NFE2: variants seen among roughly 807,000 people sequenced by gnomAD.
NFE2 encodes the protein transcription factor NF-E2 45 kDa subunit.
A neutral mutation model predicts 25.8 loss-of-function variants in NFE2; 13 were observed. That is an observed-to-expected ratio of 0.50 (90% CI 0.33 to 0.80). The LOEUF is 0.80. Among genes scored for constraint, NFE2 ranks in the 30% least tolerant of loss-of-function variants. NFE2 has a pLI of 0.02. For synonymous variants in NFE2, 204 were observed against 200.2 expected, an observed-to-expected ratio of 1.02 and a Z score of -0.16; for missense variants, 382 against 478.9, an observed-to-expected ratio of 0.80 and a Z score of 1.89.
At position 54,299,774 on chromosome 12, in the gene NFE2, A is replaced by T. The variant is rs73304540; in HGVS notation, c.-57+1027T>A. Among the ~76,000 whole-genome samples, 1,425 of 152,158 alleles carry T rather than the reference A, an allele frequency of 9.4e-3. 22 individuals are homozygous for T. Among genetic ancestry groups the T allele is most frequent in the African/African-American group, 0.033 (1,364 of 41,502 alleles). On this transcript the variant is annotated intron_variant, in intron 1 of 2. Coordinates refer to ENST00000435572, the MANE Select transcript of NFE2 (RefSeq NM_001136023.3). ...ACGATGAGAGGGGGCTTGCCTCAGG[A>T]TCCCTTTTCTGAGGCTTATTTGACC...
Position 54,292,932 on chromosome 12 carries a change from G to A in NFE2, c.564C>T (p.Ser188=), listed in dbSNP as rs200335641. 64 of 1,599,346 alleles carry A rather than the reference G, an allele frequency of 4.0e-5. No homozygotes were observed. Among genetic ancestry groups the A allele is most frequent in the Non-Finnish European group, 1.3e-5 (15 of 1,171,848 alleles). Residue 188 remains serine, a synonymous_variant, in exon 3 of 3, where the codon TCC becomes TCT. Transcript: ENST00000435572. ...GCAAGGTATAGTTGGAGTGGGCCAA[G>A]GAGTTGGGCATGAGTGAGTAGGGGT... The part of the protein sequence containing the change: ...VEYPYSLMPN[S]LAHSNYTLPA...
chr12:54,295,617 G>T (rs1033082801), intron 1 of NFE2: 3 of 196,256 alleles, frequency 1.5e-5, no homozygotes, highest in East Asian at 1.5e-4. Flanking sequence ...CTGGCTAAAG[G>T]CAGAGTCAGA....
intron 2 of NFE2, among the ~76,000 whole-genome samples, chr12:54,294,408 T>C (rs1944349594): frequency 6.6e-6 from 1 of 151,908 alleles, no homozygotes; most frequent in Non-Finnish European, 1.5e-5. Context: ...GGAGCCGCTG[T>C]GTGGGAAGAG....
intron 1 of NFE2, among the ~76,000 whole-genome samples, chr12:54,297,399 C>T (rs1401072973): frequency 6.8e-6 from 1 of 146,516 alleles, no homozygotes; most frequent in African/African-American, 2.5e-5. Flanking sequence ...TGCAGTGGCT[C>T]ACACCTGTAA....
At position 54,292,694 on chromosome 12, in the gene NFE2, G is replaced by T; in HGVS notation, c.802C>A (p.Arg268=). 6.2e-7 allele frequency: 1 copy of T among 1,614,164 alleles called. No individual in the cohort carries two copies. The highest frequency in any genetic ancestry group is 8.5e-7 in the Non-Finnish European group (1 of 1,180,040). Residue 268 remains arginine, a synonymous_variant, in exon 3 of 3, where the codon CGG becomes AGG. Coordinates refer to ENST00000435572, the MANE Select transcript of NFE2 (RefSeq NM_001136023.3). ...PLTESQLALV[R]DIRRRGKNKV... is the part of the protein sequence containing the mutation. ...TTTTTGCCCCGTCGTCGGATGTCCC[G>T]GACTAGCGCTAGCTGGCTCTCTGTC...
intron 1 of NFE2, among the ~76,000 whole-genome samples, chr12:54,299,192 T>G (rs559197935): frequency 6.6e-6 from 1 of 152,260 alleles, no homozygotes; most frequent in African/African-American, 2.4e-5. Flanking sequence ...CAGGATGCTT[T>G]TCCCTAGACG....
rs1592178322 is a variant in NFE2, at chr12:54,292,120, C to T, written c.*254G>A. On this transcript the variant is annotated 3_prime_UTR_variant, in exon 3 of 3. Transcript: ENST00000435572. The stretch of plus-strand genomic sequence containing the variant: ...ACACAGTGAAAAGCCATTTCTGTAG[C>T]GCACTTTATAGACCAAAGCTTAGAC... The T allele has an allele frequency of 4.0e-6, 2 of 495,628 alleles. No individual in the cohort carries two copies. Among genetic ancestry groups the T allele is most frequent in the Non-Finnish European group, 3.6e-6 (1 of 277,578 alleles). 30.7% of individuals were successfully genotyped at this position (495,628 alleles called of 1,614,324 possible).
intron 1 of NFE2, among the ~76,000 whole-genome samples, chr12:54,300,454 G>A (rs1363769587): frequency 6.6e-6 from 1 of 152,122 alleles, no homozygotes; most frequent in African/African-American, 2.4e-5. Context: ...TGGAGTTGGG[G>A]AAAGGGTAGT....
Position 54,295,146 on chromosome 12 carries a change from T to C in NFE2, c.103A>G (p.Thr35Ala), listed in dbSNP as rs1357471250. Reference protein sequence around the residue: ...ELTWQEIMSITELQGLNAPSE... With the variant: ...ELTWQEIMSIAELQGLNAPSE... ...CCCCCCTTACTCACCTGCAGCTCGG[T>C]GATGGACATGATCTCCTGCCAAGTC... The change falls in exon 2 of 3, where the codon ACC becomes GCC. Residue 35 changes from threonine (T) to alanine (A), a missense_variant. By Grantham distance (58) the Thr-to-Ala change is moderately conservative (BLOSUM62 0). Coordinates refer to ENST00000435572, the MANE Select transcript of NFE2 (RefSeq NM_001136023.3). The C allele has an allele frequency of 5.0e-6, 8 of 1,613,860 alleles. No homozygotes were observed. Among genetic ancestry groups the C allele is most frequent in the Non-Finnish European group, 6.8e-6 (8 of 1,179,918 alleles).
chr12:54,294,857 G>C (rs960227412), intron 2 of NFE2, among the ~76,000 whole-genome samples: 2 of 152,130 alleles, frequency 1.3e-5, no homozygotes, highest in Non-Finnish European at 2.9e-5. Context: ...ACGGGAGGGA[G>C]AGCAGGAGGT....
chr12:54,298,040 A>G (rs1019371686), intron 1 of NFE2, among the ~76,000 whole-genome samples: 4 of 152,190 alleles, frequency 2.6e-5, no homozygotes, highest in Non-Finnish European at 5.9e-5. Flanking sequence ...GCCCAAAGGC[A>G]AAGTGAATGG....
chr12:54,298,067 G>T (rs964862344), intron 1 of NFE2, among the ~76,000 whole-genome samples: 2 of 152,124 alleles, frequency 1.3e-5, no homozygotes, highest in African/African-American at 4.8e-5. Context: ...GGTTTAGGAG[G>T]CAGAGACAAT....
chr12:54,295,096 C>T (rs777343515), intron 2 of NFE2, 39 bp downstream of exon 2: 35 of 1,562,704 alleles, frequency 2.2e-5, no homozygotes, highest in Admixed American at 3.4e-5. Context: ...CTCTCTTCTC[C>T]GACACACGGC....
At chr12:54,293,535 T>G (rs1408144966) in intron 2 of NFE2, among the ~76,000 whole-genome samples, 154 bp from the exon 3 acceptor site, 1 of 152,224 alleles carries the variant, frequency 6.6e-6, no homozygotes, top group Non-Finnish European at 1.5e-5. Context: ...TGCAAAGTTA[T>G]GATACAGTTG....
Position 54,293,056 on chromosome 12 carries a change from C to T in NFE2, c.440G>A (p.Gly147Glu), listed in dbSNP as rs1944333911. ...AGCATCGCTATAGTTGAGGGATAAT[C>T]CTGAGTCGGATTCTGGGTCTTCTTG... The part of the protein sequence containing the change: ...KPQEDPESDS[G>E]LSLNYSDAES... The change falls in exon 3 of 3, where the codon GGA becomes GAA. Residue 147 changes from glycine to glutamate, a missense_variant. Physicochemically the swap from Gly to Glu is moderately conservative, Grantham distance 98. Transcript: ENST00000435572. 6.6e-7 allele frequency: 1 copy of T among 1,523,960 alleles called. No individual in the cohort carries two copies. The allele number at this position is 1,523,960 out of a possible 1,614,324, so 94.4% of individuals were successfully genotyped here. A position where few individuals can be genotyped will look rare whatever the true frequency, so the allele number is the denominator to read the frequency against.
chr12:54,295,191 C>G lies in NFE2; in HGVS notation c.58G>C (p.Glu20Gln). Residue 20 changes from glutamate (E) to glutamine (Q), a missense_variant, in exon 2 of 3, where the codon GAG (glutamate) becomes CAG (glutamine). Transcript: ENST00000435572. ...RNRVIQLSTS[E>Q]LGEMELTWQE... ...CAAGTCAGTTCCATCTCTCCTAGCT[C>G]TGAAGTGGACAGCTGTATCACCCTG... 1 of 1,614,194 alleles carries G rather than the reference C, an allele frequency of 6.2e-7. No homozygotes were observed. Among genetic ancestry groups the G allele is most frequent in the Non-Finnish European group, 8.5e-7 (1 of 1,180,026 alleles).
chr12:54,300,714 T>C (rs1035573366), intron 1 of NFE2, 87 bp downstream of exon 1: 9 of 151,508 alleles, frequency 5.9e-5, no homozygotes, highest in African/African-American at 2.2e-4. Context: ...TTGGTTATTT[T>C]CCCCCCTCAC....
At chr12:54,299,217 G>C (rs569301424) in intron 1 of NFE2, among the ~76,000 whole-genome samples, 2 of 152,238 alleles carry the variant, frequency 1.3e-5, no homozygotes, top group East Asian at 3.9e-4. Context: ...AGGATGGATG[G>C]TGTTCTATAC....
In NFE2 at chr12:54,293,250, AGGT is replaced by A; in HGVS notation, c.243_245del (p.Pro82del). ...GGGATGTGGATGCTGGGAGCTCATAAGGTGGTGGAGGAAGTGGGAAGCCAGAAT... is the reference window on the plus strand; with the variant it reads ...GGGATGTGGATGCTGGGAGCTCATAAGGTGGAGGAAGTGGGAAGCCAGAAT... On this transcript the variant is annotated inframe_deletion, in exon 3 of 3. Transcript: ENST00000435572. 1 of 1,611,896 alleles carries A rather than the reference AGGT, an allele frequency of 6.2e-7. No individual in the cohort carries two copies. Among genetic ancestry groups the A allele is most frequent in the Non-Finnish European group, 8.5e-7 (1 of 1,178,996 alleles).
Sources: gnomAD v4.1 joint callset for allele counts (sites outside exome capture counted in the v4.1 genomes callset) on GRCh38, gnomAD v4.1.1 for gene constraint, MANE v1.5 for transcripts, NCBI Gene and HGNC (gene_info 2026-07-23, HGNC 2026-07-21) for gene names.